Variants in PSMD14 observed in about 807,000 individuals in gnomAD.
The protein encoded by PSMD14 is proteasome 26S subunit, non-ATPase 14.
In PSMD14, 7 loss-of-function variants were observed where a neutral mutation model predicts 41.2. That is an observed-to-expected ratio of 0.17 (90% CI 0.10 to 0.32). The LOEUF (loss-of-function observed/expected upper bound fraction) is 0.32, where lower values mean the gene tolerates loss of function less well. PSMD14 is among the 10% of genes least tolerant of loss of function. PSMD14 has a pLI of 1.00. For missense variants in PSMD14, 139 were observed against 375.6 expected (o/e 0.37, Z 5.21); for synonymous variants, 114 against 122.3 (o/e 0.93, Z 0.45).
intron 1 of PSMD14, 35 bp from the exon 2 acceptor site, chr2:161,316,402 A>G (rs1170922467): frequency 1.3e-5 from 2 of 152,216 alleles, no homozygotes; most frequent in African/African-American, 2.4e-5. Flanking sequence ...TAAATTATCA[A>G]AATAATTATA....
At chr2:161,367,243 G>A (rs976989814) in intron 3 of PSMD14, among the ~76,000 whole-genome samples, 9 of 152,138 alleles carry the variant, frequency 5.9e-5, no homozygotes, top group African/African-American at 1.4e-4. Context: ...TGGCATTGCC[G>A]AAAGACTTAA....
intron 3 of PSMD14, among the ~76,000 whole-genome samples, chr2:161,363,413 T>C (rs1240675755): frequency 6.6e-6 from 1 of 152,244 alleles, no homozygotes; most frequent in Non-Finnish European, 1.5e-5. Context: ...TATAATACTT[T>C]TACCCTTGTT....
chr2:161,312,317 T>C (rs932818833), intron 1 of PSMD14, among the ~76,000 whole-genome samples: 1 of 152,026 alleles, frequency 6.6e-6, no homozygotes, highest in African/African-American at 2.4e-5. Flanking sequence ...CTAATTTTTG[T>C]GTTTTCAGTA....
chr2:161,361,436 C>T (rs1283330517), intron 3 of PSMD14, among the ~76,000 whole-genome samples: 2 of 134,674 alleles, frequency 1.5e-5, no homozygotes, highest in Non-Finnish European at 3.1e-5. Context: ...TGAACACTTC[C>T]AAAATTGAAA....
intron 3 of PSMD14, among the ~76,000 whole-genome samples, chr2:161,335,461 G>A (rs1012900820): frequency 6.6e-6 from 1 of 152,252 alleles, no homozygotes; most frequent in Non-Finnish European, 1.5e-5. Context: ...ATAGCTGCAT[G>A]TGGCCAGTGG....
In PSMD14 at chr2:161,396,704, C is replaced by A. The variant is rs554100531; in HGVS notation, c.771+1501C>A. 2.0e-4 allele frequency among the ~76,000 whole-genome samples: 30 copies of A among 152,196 alleles called. No homozygotes were observed. The South Asian group carries it at 6.0e-3, about 31-fold the overall frequency. Reference sequence around the variant, plus strand: ...TAGGACATGTTTAAGAAACAATATGCTTGGCTAGCATGCATAGAACGTGAG... The same window carrying A: ...TAGGACATGTTTAAGAAACAATATGATTGGCTAGCATGCATAGAACGTGAG... On this transcript the variant is annotated intron_variant, in intron 10 of 11. Coordinates refer to ENST00000409682, the MANE Select transcript of PSMD14 (RefSeq NM_005805.6).
At chr2:161,317,524 T>A (rs1015874180) in intron 2 of PSMD14, among the ~76,000 whole-genome samples, 2 of 152,184 alleles carry the variant, frequency 1.3e-5, no homozygotes, top group African/African-American at 4.8e-5. Flanking sequence ...GTTCTGTTTC[T>A]TGAACTAGGT....
At chr2:161,353,083 A>G (rs1683142390) in intron 3 of PSMD14, among the ~76,000 whole-genome samples, 1 of 152,214 alleles carries the variant, frequency 6.6e-6, no homozygotes, top group Non-Finnish European at 1.5e-5. Context: ...TTAAAGAGAA[A>G]ATAATCTGGC....
At chr2:161,347,357 C>T (rs1683059453) in intron 3 of PSMD14, among the ~76,000 whole-genome samples, 1 of 152,118 alleles carries the variant, frequency 6.6e-6, no homozygotes, top group African/African-American at 2.4e-5. Flanking sequence ...GCTATATCAA[C>T]AGGCTGGTCT....
At chr2:161,405,122 A>G (rs977759345) in intron 10 of PSMD14, among the ~76,000 whole-genome samples, 2 of 151,976 alleles carry the variant, frequency 1.3e-5, no homozygotes, top group African/African-American at 2.4e-5. Context: ...TATAACTGAC[A>G]CTCATTTTTC....
At chr2:161,362,435 T>C (rs72877917) in intron 3 of PSMD14, among the ~76,000 whole-genome samples, 211 of 152,334 alleles carry the variant, frequency 1.4e-3, no homozygotes, top group Middle Eastern at 3.4e-3. Context: ...TCAGTGGTTG[T>C]AACAGATTTC....
chr2:161,401,953 T>A (rs889679556), intron 10 of PSMD14, among the ~76,000 whole-genome samples: 1 of 152,200 alleles, frequency 6.6e-6, no homozygotes, highest in Non-Finnish European at 1.5e-5. Flanking sequence ...TGTTTCCTTA[T>A]CTCTAAAATG....
In PSMD14 at chr2:161,316,087, G is replaced by A. The variant is rs532797567; in HGVS notation, c.-137-350G>A. 1.5e-4 allele frequency among the ~76,000 whole-genome samples: 23 copies of A among 152,200 alleles called. No homozygotes were observed. In the South Asian group the frequency reaches 4.8e-3, roughly 32 times the overall value. Reference sequence around the variant, plus strand: ...TCCAACTCCTGACCTCAGGTGATCCGCCCGCGTTGGCCTCCCAAAGTGCTG... The same window carrying A: ...TCCAACTCCTGACCTCAGGTGATCCACCCGCGTTGGCCTCCCAAAGTGCTG... On this transcript the variant is annotated intron_variant, in intron 1 of 11. Transcript: ENST00000409682.
chr2:161,408,507 C>T (rs1056023377), intron 10 of PSMD14: 19 of 300,248 alleles, frequency 6.3e-5, no homozygotes, highest in South Asian at 5.3e-4. Flanking sequence ...ACCACAGTGC[C>T]GTAAGTGCCA....
At chr2:161,319,024 A>G (rs972870423) in intron 3 of PSMD14, 151 bp downstream of exon 3, 2 of 485,482 alleles carry the variant, frequency 4.1e-6, no homozygotes, top group Non-Finnish European at 3.6e-6. Flanking sequence ...TTATCTTGCA[A>G]CACTAGATAA....
At chr2:161,325,769 A>G (rs1442860242) in intron 3 of PSMD14, among the ~76,000 whole-genome samples, 3 of 152,252 alleles carry the variant, frequency 2.0e-5, no homozygotes, top group Non-Finnish European at 4.4e-5. Flanking sequence ...TTAATGCTAT[A>G]TGACTGAAGT....
chr2:161,341,936 T>C (rs1292982076), intron 3 of PSMD14, among the ~76,000 whole-genome samples: 2 of 151,638 alleles, frequency 1.3e-5, no homozygotes, highest in Non-Finnish European at 2.9e-5. Flanking sequence ...AAATCTCTCC[T>C]AACCCAATGT....
rs1370248073 is a variant in PSMD14 at position 161,356,873 on chromosome 2, ACATTT to A, written c.49-10603_49-10599del. Among the ~76,000 whole-genome samples, 3 of 150,544 alleles carry A rather than the reference ACATTT, an allele frequency of 2.0e-5. 1 individual carries two copies. Among genetic ancestry groups the A allele is most frequent in the Non-Finnish European group, 4.4e-5 (3 of 67,672 alleles). ...GCAGTTCAGTGATGCTATTTATTTT[ACATTT>A]CTTTTAAGTGACACTTTAGTTCATG... On this transcript the variant is annotated intron_variant, in intron 3 of 11. Coordinates refer to ENST00000409682, the MANE Select transcript of PSMD14 (RefSeq NM_005805.6).
intron 3 of PSMD14, among the ~76,000 whole-genome samples, chr2:161,351,303 A>C (rs539364819): frequency 6.6e-6 from 1 of 152,166 alleles, no homozygotes; most frequent in Non-Finnish European, 1.5e-5. Flanking sequence ...GGGCAGAAAG[A>C]AGGTTGCAGA....
Sources: gnomAD v4.1 joint callset for allele counts (sites outside exome capture counted in the v4.1 genomes callset) on GRCh38, gnomAD v4.1.1 for gene constraint, MANE v1.5 for transcripts, NCBI Gene and HGNC (gene_info 2026-07-23, HGNC 2026-07-21) for gene names.